Variants in SHISA9 observed in about 807,000 individuals in gnomAD.
SHISA9 encodes protein shisa-9.
SHISA9 carries 13 observed loss-of-function variants against 38.0 expected under a neutral mutation model. The observed-to-expected ratio is 0.34, with a 90% CI of 0.22 to 0.54. The LOEUF (loss-of-function observed/expected upper bound fraction) is 0.54, where lower values mean the gene tolerates loss of function less well. SHISA9 is among the 20% of genes least tolerant of loss of function. The probability of loss-of-function intolerance (pLI) is 0.91; values close to 1 mark genes in which losing one functional copy is unlikely to be tolerated. For missense variants in SHISA9, 538 were observed against 575.8 expected (o/e 0.93, Z 0.67); for synonymous variants, 275 against 242.0 (o/e 1.14, Z -1.27).
Position 12,901,971 on chromosome 16 carries a change from C to A in SHISA9, c.-94C>A, listed in dbSNP as rs887648232. The A allele has an allele frequency of 4.4e-5, 50 of 1,129,828 alleles. No individual in the cohort carries two copies. In the African/African-American group the frequency reaches 6.6e-4, roughly 15 times the overall value. The allele number at this position is 1,129,828 out of a possible 1,614,324, so 70.0% of individuals were successfully genotyped here. A position where few individuals can be genotyped will look rare whatever the true frequency, so the allele number is the denominator to read the frequency against. ...GCGGCCCGCGGCGGCTCGCAGCTCC[C>A]GGCAGCAGCCTCGGCAGCTTCGGCC... is the stretch of plus-strand genomic sequence containing the variant. On this transcript the variant is annotated 5_prime_UTR_variant, in exon 1 of 5. Coordinates refer to ENST00000558583, the MANE Select transcript of SHISA9 (RefSeq NM_001145204.3).
At chr16:13,139,122 C>T (rs1396836564) in intron 2 of SHISA9, among the ~76,000 whole-genome samples, 2 of 152,180 alleles carry the variant, frequency 1.3e-5, no homozygotes, top group Non-Finnish European at 2.9e-5. Flanking sequence ...ACTGTTTTCT[C>T]ATTGCAGGGT....
intron 2 of SHISA9, among the ~76,000 whole-genome samples, chr16:13,185,374 A>C (rs901675593): frequency 2.0e-5 from 3 of 151,932 alleles, no homozygotes; most frequent in African/African-American, 7.2e-5. Context: ...GCTACTTAAA[A>C]ATTTTTTTGG....
At position 13,238,270 on chromosome 16, in the gene SHISA9, A is replaced by T. The variant is rs1010779752; in HGVS notation, c.*2861A>T. 2 of 152,220 alleles carry T rather than the reference A, an allele frequency of 1.3e-5. No individual in the cohort carries two copies. Among genetic ancestry groups the T allele is most frequent in the African/African-American group, 4.8e-5 (2 of 41,452 alleles). The allele number at this position is 152,220 out of a possible 1,614,324, so 9.4% of individuals were successfully genotyped here. On this transcript the variant is annotated 3_prime_UTR_variant, in exon 5 of 5. Transcript: ENST00000558583. ...GTAAATGAAAGGGGAATCATTTCCTATGCAAGTCAGTGTTGAACAATGCTG... is the reference window on the plus strand; with the variant it reads ...GTAAATGAAAGGGGAATCATTTCCTTTGCAAGTCAGTGTTGAACAATGCTG...
chr16:13,009,296 G>T (rs973852193), intron 2 of SHISA9, among the ~76,000 whole-genome samples: 1 of 152,098 alleles, frequency 6.6e-6, no homozygotes, highest in Non-Finnish European at 1.5e-5. Flanking sequence ...GGCTTGTAGA[G>T]GTGGTGAGAC....
intron 2 of SHISA9, among the ~76,000 whole-genome samples, chr16:13,103,205 A>G (rs2073895651): frequency 6.6e-6 from 1 of 152,312 alleles, no homozygotes; most frequent in African/African-American, 2.4e-5. Context: ...CATGCTGTAT[A>G]TTGAAGAAAA....
chr16:13,457,586 G>A, the SHISA9 span, among the ~76,000 whole-genome samples: 2 of 151,628 alleles, frequency 1.3e-5, no homozygotes, highest in African/African-American at 2.4e-5. Flanking sequence ...CGCCAGCTTT[G>A]TGTAGCCTTT....
chr16:13,099,831 C>T (rs2073861298), intron 2 of SHISA9, among the ~76,000 whole-genome samples: 1 of 152,170 alleles, frequency 6.6e-6, no homozygotes, highest in African/African-American at 2.4e-5. Context: ...GTAATGTGAT[C>T]AGAGTTATAC....
the SHISA9 span, among the ~76,000 whole-genome samples, chr16:13,343,043 A>G: frequency 6.6e-6 from 1 of 152,262 alleles, no homozygotes; most frequent in South Asian, 2.1e-4. Context: ...TTAACATATT[A>G]CCTAGCACAT....
At chr16:13,448,322 C>T in the SHISA9 span, among the ~76,000 whole-genome samples, 3 of 152,150 alleles carry the variant, frequency 2.0e-5, no homozygotes, top group Non-Finnish European at 2.9e-5. Flanking sequence ...TAGTGGAACA[C>T]GCCTTCAAAG....
At chr16:12,914,702 C>T (rs74627484) in intron 1 of SHISA9, among the ~76,000 whole-genome samples, 1,611 of 152,262 alleles carry the variant, frequency 0.011, 32 homozygotes, top group African/African-American at 0.036. Flanking sequence ...TAGTTCTTAC[C>T]CTATCATTCC....
At chr16:13,332,088 G>A in the SHISA9 span, 2 of 152,098 alleles carry the variant, frequency 1.3e-5, no homozygotes, top group South Asian at 2.1e-4. Context: ...CAGAAAAGGT[G>A]ACACAGGAAA....
At chr16:13,429,290 A>G in the SHISA9 span, among the ~76,000 whole-genome samples, 1 of 152,316 alleles carries the variant, frequency 6.6e-6, no homozygotes, top group South Asian at 2.1e-4. Flanking sequence ...AGAGAAATGT[A>G]TTGTCATACA....
chr16:13,311,965 A>AT, the SHISA9 span, among the ~76,000 whole-genome samples: 1 of 152,194 alleles, frequency 6.6e-6, no homozygotes, highest in African/African-American at 2.4e-5. Context: ...ACAGTTTATT[A>AT]TTTTTCTCCT....
At chr16:13,110,749 G>T (rs774931545) in intron 2 of SHISA9, among the ~76,000 whole-genome samples, 4 of 152,212 alleles carry the variant, frequency 2.6e-5, no homozygotes, top group Non-Finnish European at 5.9e-5. Context: ...TTATCCTGGA[G>T]AAAGCTGGGG....
In SHISA9 at chr16:13,114,007, C is replaced by T. The variant is rs142620284; in HGVS notation, c.692-89387C>T. ...CCTGGAATTGTGCCTGGAAAAATTC[C>T]GGAGAATTTTGTTACCTGTGATGGT... On this transcript the variant is annotated intron_variant, in intron 2 of 4. Transcript: ENST00000558583. Among the ~76,000 whole-genome samples the T allele has an allele frequency of 2.2e-3, 335 of 152,176 alleles. 1 individual carries two copies. Among genetic ancestry groups the T allele is most frequent in the African/African-American group, 6.3e-3 (261 of 41,516 alleles).
chr16:12,951,730 T>C (rs1323052637), intron 2 of SHISA9, among the ~76,000 whole-genome samples: 1 of 152,156 alleles, frequency 6.6e-6, no homozygotes, highest in African/African-American at 2.4e-5. Flanking sequence ...AGAAGAATTC[T>C]TTTTCCAGTG....
chr16:13,218,033 AG>A (rs2051187600), intron 4 of SHISA9, among the ~76,000 whole-genome samples: 1 of 91,236 alleles, frequency 1.1e-5, no homozygotes, highest in Admixed American at 1.4e-4. Context: ...GAAGGGAGGG[AG>A]GGAGGGAGGG....
chr16:13,359,071 C>T, the SHISA9 span, among the ~76,000 whole-genome samples: 10 of 131,608 alleles, frequency 7.6e-5, no homozygotes, highest in African/African-American at 2.3e-4. Context: ...AATTCCCATC[C>T]GTTGGACTTC....
chr16:12,902,373 C>T lies in SHISA9; in HGVS notation c.309C>T (p.Gly103=). 6.4e-7 allele frequency: 1 copy of T among 1,551,396 alleles called. No individual in the cohort carries two copies. The highest frequency in any genetic ancestry group is 8.7e-7 in the Non-Finnish European group (1 of 1,146,988). ...TCATCTTCTGCTGCGGGACTTGTGG[C>T]TTCCGGTTCTGCTGCACGTTTAAGA... ...GDFIFCCGTC[G]FRFCCTFKKR... Residue 103 remains glycine (G), a synonymous_variant, in exon 1 of 5, where the codon GGC becomes GGT. Coordinates refer to ENST00000558583, the MANE Select transcript of SHISA9 (RefSeq NM_001145204.3).
Sources: allele counts gnomAD v4.1 joint callset (sites outside exome capture counted in the v4.1 genomes callset), GRCh38; gene constraint gnomAD v4.1.1; transcripts MANE v1.5; gene names NCBI Gene and HGNC (gene_info 2026-07-23, HGNC 2026-07-21).